Variants in PLEKHA7 observed in about 807,000 individuals in gnomAD.
PLEKHA7 encodes pleckstrin homology domain containing A7.
PLEKHA7 carries 104 observed loss-of-function variants against 170.0 expected under a neutral mutation model. The ratio of observed to expected loss-of-function variants is 0.61; its 90% CI spans 0.52 to 0.72. The LOEUF is 0.72. Among genes scored for constraint, PLEKHA7 ranks in the 30% least tolerant of loss-of-function variants. The pLI, the probability that PLEKHA7 is intolerant of heterozygous loss-of-function variation, is 0.00. For synonymous variants in PLEKHA7, 648 were observed against 660.8 expected (o/e 0.98, Z 0.30); for missense variants, 1,615 against 1,671.7 (o/e 0.97, Z 0.59).
chr11:16,792,823 G>A (rs544397150), intron 19 of PLEKHA7, among the ~76,000 whole-genome samples: 20 of 152,164 alleles, frequency 1.3e-4, no homozygotes, highest in Admixed American at 9.2e-4. Flanking sequence ...GCCCAGGCTG[G>A]AGTGCAGTTG....
intron 4 of PLEKHA7, among the ~76,000 whole-genome samples, chr11:16,868,330 G>A (rs1179922525): frequency 6.6e-6 from 1 of 152,146 alleles, no homozygotes; most frequent in East Asian, 1.9e-4. Context: ...TCAGATTATA[G>A]CTTTCACATT....
intron 4 of PLEKHA7, among the ~76,000 whole-genome samples, chr11:16,864,926 C>T (rs1429459935): frequency 6.6e-6 from 1 of 152,148 alleles, no homozygotes; most frequent in Non-Finnish European, 1.5e-5. Context: ...CTGACACCTG[C>T]CTTTGCCCAC....
intron 3 of PLEKHA7, among the ~76,000 whole-genome samples, chr11:17,009,985 C>G (rs1865229048): frequency 6.6e-6 from 1 of 152,140 alleles, no homozygotes; most frequent in African/African-American, 2.4e-5. Context: ...GGAGAACCAA[C>G]AGTAGATTTC....
chr11:16,790,165 G>C (rs1174183606), intron 21 of PLEKHA7: 2 of 436,634 alleles, frequency 4.6e-6, no homozygotes, highest in East Asian at 8.6e-5. Flanking sequence ...CAGGTAGAAA[G>C]GCTGGCGGGG....
chr11:16,886,009 A>AG (rs1253008794), intron 3 of PLEKHA7, among the ~76,000 whole-genome samples: 10 of 151,866 alleles, frequency 6.6e-5, no homozygotes, highest in East Asian at 5.8e-4. Context: ...AAAAAAAAAA[A>AG]AAAGAAAGAA....
intron 13 of PLEKHA7, among the ~76,000 whole-genome samples, chr11:16,808,612 G>A (rs975739690): frequency 2.0e-5 from 3 of 152,156 alleles, no homozygotes; most frequent in East Asian, 1.9e-4. Context: ...AGCCACTGAC[G>A]GCACATCCCT....
At chr11:16,975,177 T>C (rs923164671) in intron 3 of PLEKHA7, among the ~76,000 whole-genome samples, 125 of 152,356 alleles carry the variant, frequency 8.2e-4, no homozygotes, top group African/African-American at 2.8e-3. Context: ...TACCCTCTTC[T>C]AAGTCTTCCG....
At chr11:16,829,282 T>A (rs1343232581) in intron 9 of PLEKHA7, among the ~76,000 whole-genome samples, 1 of 152,136 alleles carries the variant, frequency 6.6e-6, no homozygotes, top group Admixed American at 6.5e-5. Flanking sequence ...CCCAAAGTTT[T>A]ATGATTACAA....
At chr11:16,921,894 C>T (rs974997535) in intron 3 of PLEKHA7, among the ~76,000 whole-genome samples, 3 of 152,206 alleles carry the variant, frequency 2.0e-5, no homozygotes, top group East Asian at 1.9e-4. Flanking sequence ...TCTAGAGTCA[C>T]GCAGCTAAAA....
rs199930760 is a variant in PLEKHA7, at chr11:16,822,179, T to C, written c.1343+3941A>G. ...GCTGGAGCAGTTATGCGGAGACATTTCATAACTGACAACTTATCACTGCAT... is the reference window on the plus strand; with the variant it reads ...GCTGGAGCAGTTATGCGGAGACATTCCATAACTGACAACTTATCACTGCAT... On this transcript the variant is annotated intron_variant, in intron 10 of 26. Transcript: ENST00000531066. 7.9e-5 allele frequency among the ~76,000 whole-genome samples: 12 copies of C among 152,258 alleles called. No individual in the cohort carries two copies. In the East Asian group the frequency reaches 2.3e-3, roughly 29 times the overall value.
chr11:16,990,602 T>C (rs556801931), intron 3 of PLEKHA7, among the ~76,000 whole-genome samples: 1 of 152,212 alleles, frequency 6.6e-6, no homozygotes, highest in Non-Finnish European at 1.5e-5. Flanking sequence ...CACACCATTA[T>C]CAACCTCAAG....
At chr11:16,854,402 C>T (rs1179144201) in intron 6 of PLEKHA7, among the ~76,000 whole-genome samples, 4 of 152,118 alleles carry the variant, frequency 2.6e-5, no homozygotes, top group African/African-American at 9.7e-5. Context: ...CCGGAAAAAG[C>T]AGTCTTGGGG....
At chr11:16,995,049 C>T (rs1024964382) in intron 3 of PLEKHA7, among the ~76,000 whole-genome samples, 1 of 152,222 alleles carries the variant, frequency 6.6e-6, no homozygotes, top group Non-Finnish European at 1.5e-5. Context: ...ATCCTACACA[C>T]AGTAGTACTT....
intron 19 of PLEKHA7, among the ~76,000 whole-genome samples, chr11:16,793,915 T>C (rs1848030158): frequency 6.6e-6 from 1 of 152,142 alleles, no homozygotes; most frequent in Admixed American, 6.5e-5. Context: ...CTAGTTAGCA[T>C]GGAGACATTG....
chr11:16,945,063 A>G (rs960431470), intron 3 of PLEKHA7, among the ~76,000 whole-genome samples: 2 of 152,046 alleles, frequency 1.3e-5, no homozygotes, highest in Non-Finnish European at 2.9e-5. Context: ...CAGCCTCCCG[A>G]GTAGCTGCGT....
intron 9 of PLEKHA7, among the ~76,000 whole-genome samples, chr11:16,828,408 C>A (rs1043031163): frequency 6.6e-6 from 1 of 152,206 alleles, no homozygotes; most frequent in African/African-American, 2.4e-5. Flanking sequence ...TTCTTGAGGC[C>A]TCCCCAGCCA....
chr11:16,964,036 T>A (rs1862223977), intron 3 of PLEKHA7, among the ~76,000 whole-genome samples: 1 of 152,218 alleles, frequency 6.6e-6, no homozygotes, highest in Non-Finnish European at 1.5e-5. Flanking sequence ...ATTTGGCTAT[T>A]CTAGGTATCT....
chr11:16,850,787 C>T (rs774012561), intron 8 of PLEKHA7, among the ~76,000 whole-genome samples: 12 of 152,200 alleles, frequency 7.9e-5, no homozygotes, highest in Admixed American at 5.9e-4. Flanking sequence ...CTCTTTAACA[C>T]GCAGGCCCCT....
intron 13 of PLEKHA7, among the ~76,000 whole-genome samples, chr11:16,806,408 C>A (rs535279725): frequency 3.9e-5 from 6 of 152,368 alleles, no homozygotes; most frequent in African/African-American, 1.4e-4. Context: ...GTCCCCCCAG[C>A]ATCTCTGTCA....
Sources: gnomAD v4.1 joint callset for allele counts (sites outside exome capture counted in the v4.1 genomes callset) on GRCh38, gnomAD v4.1.1 for gene constraint, MANE v1.5 for transcripts, NCBI Gene and HGNC (gene_info 2026-07-23, HGNC 2026-07-21) for gene names.